LIPA: variants seen among roughly 807,000 people sequenced by gnomAD.
LIPA encodes the protein lysosomal acid lipase/cholesteryl ester hydrolase.
LIPA carries 26 observed loss-of-function variants against 40.6 expected under a neutral mutation model. That is an observed-to-expected ratio of 0.64 (90% CI 0.47 to 0.89). The LOEUF (loss-of-function observed/expected upper bound fraction) is 0.89, where lower values mean the gene tolerates loss of function less well. LIPA is among the 40% of genes least tolerant of loss of function. LIPA has a pLI of 0.00. For synonymous variants in LIPA, 188 were observed against 168.4 expected, an observed-to-expected ratio of 1.12 and a Z score of -0.90; for missense variants, 455 against 479.6, an observed-to-expected ratio of 0.95 and a Z score of 0.48.
intron 1 of LIPA, among the ~76,000 whole-genome samples, chr10:89,277,011 A>C (rs375112683): frequency 1.1e-3 from 163 of 152,298 alleles, no homozygotes; most frequent in African/African-American, 3.8e-3. Flanking sequence ...AGAGCTCATC[A>C]GTTGGCTTCA....
intron 1 of LIPA, chr10:89,308,656 G>C (rs1402578615): frequency 6.6e-6 from 1 of 152,182 alleles, no homozygotes; most frequent in Non-Finnish European, 1.5e-5. Flanking sequence ...CCCAGCATCA[G>C]CCACACTCTG....
At chr10:89,277,709 C>G (rs1843295934) in intron 1 of LIPA, among the ~76,000 whole-genome samples, 1 of 152,142 alleles carries the variant, frequency 6.6e-6, no homozygotes, top group Admixed American at 6.6e-5. Context: ...TTAGAACAAC[C>G]TCTGCTGGTC....
At chr10:89,241,076 G>A (rs1167444872) in intron 3 of LIPA, among the ~76,000 whole-genome samples, 1 of 152,198 alleles carries the variant, frequency 6.6e-6, no homozygotes, top group Non-Finnish European at 1.5e-5. Context: ...CTGACCTGGT[G>A]TGAGAGGCTG....
chr10:89,307,453 T>G, intron 1 of LIPA: 3 of 1,160,960 alleles, frequency 2.6e-6, no homozygotes, highest in Non-Finnish European at 3.7e-6. Context: ...ATTCAAAATA[T>G]GTAATGACTG....
chr10:89,401,458 A>T (rs1844422214), intron 2 of LIPA, among the ~76,000 whole-genome samples: 1 of 152,116 alleles, frequency 6.6e-6, no homozygotes, highest in African/African-American at 2.4e-5. Context: ...TACAGAGATG[A>T]AGAACAAATT....
At chr10:89,298,509 T>A (rs1384560113) in intron 1 of LIPA, among the ~76,000 whole-genome samples, 1 of 152,152 alleles carries the variant, frequency 6.6e-6, no homozygotes, top group Non-Finnish European at 1.5e-5. Flanking sequence ...TTGATATATC[T>A]TCAGGAAAAA....
rs1589580741 is a variant in LIPA at position 89,257,926 on chromosome 10, C to T, written c.-1-10277G>A. Among the ~76,000 whole-genome samples, 3 of 152,228 alleles carry T rather than the reference C, an allele frequency of 2.0e-5. No homozygotes were observed. The South Asian group carries it at 6.2e-4, about 32-fold the overall frequency. ...GACCATAGTTTAGTGGAAAGAACCACCTGCAAACGGTAAGATCCCCAAGGC... is the reference window on the plus strand; with the variant it reads ...GACCATAGTTTAGTGGAAAGAACCATCTGCAAACGGTAAGATCCCCAAGGC... On this transcript the variant is annotated intron_variant, in intron 1 of 5. Transcript: ENST00000282673.
At chr10:89,277,384 A>T (rs1843293817) in intron 1 of LIPA, among the ~76,000 whole-genome samples, 1 of 152,258 alleles carries the variant, frequency 6.6e-6, no homozygotes, top group African/African-American at 2.4e-5. Flanking sequence ...GAGGTTAAAC[A>T]CATATTTTAA....
rs766297332 is a variant in LIPA, at chr10:89,223,771, G to T, written c.735C>A (p.Thr245=). The T allele has an allele frequency of 6.2e-7, 1 of 1,613,820 alleles. No homozygotes were observed. The highest frequency in any genetic ancestry group is 8.5e-7 in the Non-Finnish European group (1 of 1,179,752). Residue 245 remains threonine, a synonymous_variant, in exon 7 of 10, where the codon ACC becomes ACA. Transcript: ENST00000336233. ...TCAGTATGACATGAGTGCAAACGTG[G>T]GTACCCAGCCACTTCAAAAACGCAC... ...PQSAFLKWLG[T]HVCTHVILKE...
intron 2 of LIPA, among the ~76,000 whole-genome samples, chr10:89,399,306 C>T (rs1005667629): frequency 3.3e-5 from 5 of 152,046 alleles, no homozygotes; most frequent in African/African-American, 1.2e-4. Context: ...CAAATATTTT[C>T]CTTCATTCTG....
intron 8 of LIPA, among the ~76,000 whole-genome samples, chr10:89,217,969 C>G (rs10749601): frequency 0.57 from 86,099 of 151,928 alleles, 25,813 homozygotes; most frequent in East Asian, 0.84. Flanking sequence ...AAATAAAATA[C>G]AAACAGAAAA....
intron 2 of LIPA, among the ~76,000 whole-genome samples, chr10:89,366,729 A>C (rs1384376862): frequency 6.6e-6 from 1 of 152,236 alleles, no homozygotes; most frequent in Non-Finnish European, 1.5e-5. Context: ...TGTTGGTGGG[A>C]CTGTAAACCA....
chr10:89,388,279 T>C (rs1844223243), intron 2 of LIPA, among the ~76,000 whole-genome samples: 1 of 152,112 alleles, frequency 6.6e-6, no homozygotes, highest in Non-Finnish European at 1.5e-5. Context: ...CTAATTTTTG[T>C]ATTTTCAGTA....
intron 2 of LIPA, among the ~76,000 whole-genome samples, chr10:89,387,199 C>T (rs1844216625): frequency 6.6e-6 from 1 of 151,516 alleles, no homozygotes; most frequent in Non-Finnish European, 1.5e-5. Context: ...GCCTATAGTC[C>T]CAGCTACTCG....
chr10:89,358,860 T>C (rs912328185), intron 2 of LIPA, among the ~76,000 whole-genome samples: 2 of 152,184 alleles, frequency 1.3e-5, no homozygotes, highest in East Asian at 1.9e-4. Context: ...TAGTGTTCGA[T>C]AGTACAGTAG....
chr10:89,321,203 C>A (rs1019731922), intron 1 of LIPA, among the ~76,000 whole-genome samples: 2 of 151,802 alleles, frequency 1.3e-5, no homozygotes, highest in African/African-American at 2.4e-5. Context: ...GCAACAAAAG[C>A]CAAAATTGAC....
upstream of LIPA, among the ~76,000 whole-genome samples, chr10:89,345,759 G>GA (rs1843915688): frequency 6.6e-6 from 1 of 152,076 alleles, no homozygotes; most frequent in South Asian, 2.1e-4. Flanking sequence ...ATGCAGCACA[G>GA]AAAAACAGTG....
rs891800684 is a variant in LIPA, at chr10:89,414,486, A to C, written c.-151T>G. The C allele has an allele frequency of 1.1e-4, 40 of 362,224 alleles. 1 individual carries two copies. Among genetic ancestry groups the C allele is most frequent in the Non-Finnish European group, 9.8e-6 (2 of 203,150 alleles). 22.4% of individuals were successfully genotyped at this position (362,224 alleles called of 1,614,324 possible). On this transcript the variant is annotated 5_prime_UTR_variant, in exon 1 of 9. Coordinates refer to the LIPA transcript ENST00000371837. ...AACTCCGAAAGACCCTGGACTCCGCAAACGTCTGGCCGCGGCTCTTGAGCT... is the reference window on the plus strand; with the variant it reads ...AACTCCGAAAGACCCTGGACTCCGCCAACGTCTGGCCGCGGCTCTTGAGCT...
intron 1 of LIPA, among the ~76,000 whole-genome samples, chr10:89,276,118 G>A (rs1038197342): frequency 6.6e-6 from 1 of 152,144 alleles, no homozygotes; most frequent in African/African-American, 2.4e-5. Context: ...AGGTAAGCAA[G>A]GCACTTAATG....
Sources: allele counts gnomAD v4.1 joint callset (sites outside exome capture counted in the v4.1 genomes callset), GRCh38; gene constraint gnomAD v4.1.1; transcripts MANE v1.5; gene names NCBI Gene and HGNC (gene_info 2026-07-23, HGNC 2026-07-21).